Variants in NPR3 observed in about 807,000 individuals in gnomAD.
The protein encoded by NPR3 is natriuretic peptide receptor 3, also known as atrial natriuretic peptide receptor 3.
A neutral mutation model predicts 54.5 loss-of-function variants in NPR3; 34 were observed. The ratio of observed to expected loss-of-function variants is 0.62; its 90% CI spans 0.47 to 0.83. The LOEUF is 0.83. NPR3 is among the 40% of genes least tolerant of loss of function. The pLI is 0.00. For missense variants in NPR3, 674 were observed against 720.8 expected (o/e 0.94, Z 0.74); for synonymous variants, 289 against 297.1 (o/e 0.97, Z 0.28).
chr5:32,747,221 A>C (rs558374706), intron 3 of NPR3, among the ~76,000 whole-genome samples: 2 of 152,254 alleles, frequency 1.3e-5, no homozygotes, highest in African/African-American at 2.4e-5. Context: ...TTTGATAGTA[A>C]AAATTTTGAT....
intron 2 of NPR3, among the ~76,000 whole-genome samples, chr5:32,731,741 C>G (rs1739459926): frequency 6.6e-6 from 1 of 152,018 alleles, no homozygotes; most frequent in African/African-American, 2.4e-5. Flanking sequence ...ATAATATATC[C>G]CAAGGACCTC....
intron 3 of NPR3, among the ~76,000 whole-genome samples, chr5:32,773,153 C>G (rs571690208): frequency 6.6e-6 from 1 of 152,178 alleles, no homozygotes. Flanking sequence ...CTAAGCCATG[C>G]CAGGTGGTCA....
In NPR3 at chr5:32,789,790, T is replaced by C. The variant is rs1159742370; in HGVS notation, c.*3445T>C. 1 of 514,390 alleles carries C rather than the reference T, an allele frequency of 1.9e-6. No homozygotes were observed. Among genetic ancestry groups the C allele is most frequent in the Non-Finnish European group, 4.0e-6 (1 of 250,330 alleles). The allele number at this position is 514,390 out of a possible 1,614,324, so 31.9% of individuals were successfully genotyped here. A position where few individuals can be genotyped will look rare whatever the true frequency, so the allele number is the denominator to read the frequency against. On this transcript the variant is annotated 3_prime_UTR_variant, in exon 8 of 8. Coordinates refer to ENST00000265074, the MANE Select transcript of NPR3 (RefSeq NM_001204375.2). ...TAGATCTCATGCAGATAGTGATGGA[T>C]TCAGAAAGTAGGTTCCAGTGGCGTC...
chr5:32,704,526 G>T (rs1737935565), upstream of NPR3, among the ~76,000 whole-genome samples: 1 of 152,106 alleles, frequency 6.6e-6, no homozygotes, highest in Non-Finnish European at 1.5e-5. Context: ...GAAAGTGAAG[G>T]TTAAACAGGT....
intron 3 of NPR3, among the ~76,000 whole-genome samples, chr5:32,769,860 A>G (rs1460961890): frequency 1.3e-5 from 2 of 152,182 alleles, no homozygotes; most frequent in African/African-American, 4.8e-5. Context: ...ACAGGCATTG[A>G]GGGATTCATC....
At chr5:32,704,001 T>C (rs977682854) in intron 1 of NPR3, among the ~76,000 whole-genome samples, 1 of 152,258 alleles carries the variant, frequency 6.6e-6, no homozygotes, top group Non-Finnish European at 1.5e-5. Flanking sequence ...TTTAGCCCAC[T>C]GTGGCAAGGC....
chr5:32,704,233 G>C (rs1310172475), intron 1 of NPR3, among the ~76,000 whole-genome samples: 1 of 152,148 alleles, frequency 6.6e-6, no homozygotes. Context: ...CTGGGGGATG[G>C]GGGAAGGTTG....
intron 2 of NPR3, among the ~76,000 whole-genome samples, chr5:32,736,384 T>C (rs1238076916): frequency 6.6e-6 from 1 of 152,212 alleles, no homozygotes; most frequent in African/African-American, 2.4e-5. Flanking sequence ...TAGTTGCAGT[T>C]TCTAGTCCTA....
chr5:32,695,813 T>C (rs1388681445), intron 1 of NPR3, among the ~76,000 whole-genome samples: 1 of 152,244 alleles, frequency 6.6e-6, no homozygotes, highest in African/African-American at 2.4e-5. Context: ...TTGCCATTGA[T>C]ATGCCTTCTT....
intron 1 of NPR3, among the ~76,000 whole-genome samples, chr5:32,699,308 C>T (rs1740608791): frequency 6.6e-6 from 1 of 152,118 alleles, no homozygotes; most frequent in Non-Finnish European, 1.5e-5. Context: ...TTTTATTTAA[C>T]TTTAAATTCT....
At chr5:32,699,910 C>A (rs1401930292) in intron 1 of NPR3, among the ~76,000 whole-genome samples, 1 of 152,194 alleles carries the variant, frequency 6.6e-6, no homozygotes, top group African/African-American at 2.4e-5. Context: ...TTAGCTTTTG[C>A]ACTACTGGGA....
chr5:32,740,302 T>C (rs10074191), intron 3 of NPR3, among the ~76,000 whole-genome samples: 25,927 of 152,240 alleles, frequency 0.17, 2,288 homozygotes, highest in South Asian at 0.28. Flanking sequence ...GGGAGGATTT[T>C]GGATTATTTA....
rs961646733 is a variant in NPR3 at position 32,791,255 on chromosome 5, G to T, written c.*4910G>T. On this transcript the variant is annotated 3_prime_UTR_variant, in exon 8 of 8. Transcript: ENST00000265074. ...GTTGGGTCCTGGGAATCTGAGCTTT[G>T]TTCCCTGTGCATGGTGGATAATTGA... The T allele has an allele frequency of 6.0e-6, 1 of 167,114 alleles. No individual in the cohort carries two copies. Among genetic ancestry groups the T allele is most frequent in the African/African-American group, 2.4e-5 (1 of 41,454 alleles). 10.4% of individuals were successfully genotyped at this position (167,114 alleles called of 1,614,324 possible). A position where few individuals can be genotyped will look rare whatever the true frequency, so the allele number is the denominator to read the frequency against.
At chr5:32,751,060 A>T (rs1341847023) in intron 3 of NPR3, among the ~76,000 whole-genome samples, 1 of 152,148 alleles carries the variant, frequency 6.6e-6, no homozygotes, top group Non-Finnish European at 1.5e-5. Context: ...TCATTTAGGG[A>T]TCCTGTTCCC....
At chr5:32,753,491 A>C (rs1263180930) in intron 3 of NPR3, among the ~76,000 whole-genome samples, 5 of 152,200 alleles carry the variant, frequency 3.3e-5, no homozygotes, top group Non-Finnish European at 7.3e-5. Flanking sequence ...TATCAGCTCC[A>C]GCAGTTATAC....
chr5:32,775,069 T>A (rs564741197), intron 4 of NPR3, among the ~76,000 whole-genome samples: 1 of 152,312 alleles, frequency 6.6e-6, no homozygotes, highest in East Asian at 1.9e-4. Context: ...TCCTGATTAT[T>A]TAGGTAATAG....
chr5:32,696,263 C>G (rs916298313), intron 1 of NPR3, among the ~76,000 whole-genome samples: 5 of 152,092 alleles, frequency 3.3e-5, no homozygotes, highest in Admixed American at 1.3e-4. Flanking sequence ...GTGTCCTTTC[C>G]CTAATGGATG....
At chr5:32,759,330 G>A (rs960690163) in intron 3 of NPR3, among the ~76,000 whole-genome samples, 1 of 152,138 alleles carries the variant, frequency 6.6e-6, no homozygotes, top group Non-Finnish European at 1.5e-5. Flanking sequence ...AGCTCTTCTT[G>A]TTGAATTGAT....
chr5:32,696,895 G>A (rs751956701), intron 1 of NPR3, among the ~76,000 whole-genome samples: 31 of 152,096 alleles, frequency 2.0e-4, no homozygotes, highest in Non-Finnish European at 4.1e-4. Flanking sequence ...CTTTTGTGGA[G>A]TCTTTACATT....
Sources: allele counts gnomAD v4.1 joint callset (sites outside exome capture counted in the v4.1 genomes callset), GRCh38; gene constraint gnomAD v4.1.1; transcripts MANE v1.5; gene names NCBI Gene and HGNC (gene_info 2026-07-23, HGNC 2026-07-21).